CA5A: variants seen among roughly 807,000 people sequenced by gnomAD.
CA5A encodes carbonic anhydrase 5A, mitochondrial.
CA5A carries 28 observed loss-of-function variants against 37.1 expected under a neutral mutation model. That is an observed-to-expected ratio of 0.75 (90% CI 0.56 to 1.03). The LOEUF is 1.03. Ranked by LOEUF, CA5A falls within the 50% of genes least tolerant of loss-of-function variation. The probability of loss-of-function intolerance (pLI) is 0.00; values close to 1 mark genes in which losing one functional copy is unlikely to be tolerated. For missense variants in CA5A, 444 were observed against 399.9 expected (o/e 1.11, Z -0.94); for synonymous variants, 171 against 158.4 (o/e 1.08, Z -0.60).
intron 2 of CA5A, among the ~76,000 whole-genome samples, chr16:87,919,282 C>G (rs1463233000): frequency 6.6e-6 from 1 of 152,228 alleles, no homozygotes; most frequent in Non-Finnish European, 1.5e-5. Context: ...GCGCCCCATC[C>G]TTACTCTGGG....
rs764336385 is a variant in CA5A, at chr16:87,911,714, C to T, written c.341-6810G>A. On this transcript the variant is annotated intron_variant, in intron 2 of 6. Transcript: ENST00000649794. The surrounding 1 kb of genome is among the most constrained non-coding windows in gnomAD (Gnocchi z 4.6). ...CCGCGACGATGGAACCTAGACTGCT[C>T]CCTGGAAGTTAGCCTCTGAGACCAT... 6.6e-6 allele frequency among the ~76,000 whole-genome samples: 1 copy of T among 152,166 alleles called. No individual in the cohort carries two copies. Among genetic ancestry groups the T allele is most frequent in the Non-Finnish European group, 1.5e-5 (1 of 68,040 alleles).
At chr16:87,923,338 G>A (rs943912101) in intron 2 of CA5A, among the ~76,000 whole-genome samples, 38 of 152,254 alleles carry the variant, frequency 2.5e-4, no homozygotes, top group Non-Finnish European at 5.1e-4. Flanking sequence ...ACAGGTGTGC[G>A]CCACCAACCT....
At chr16:87,896,085 A>G (rs1424102345) in intron 5 of CA5A, among the ~76,000 whole-genome samples, 1 of 152,230 alleles carries the variant, frequency 6.6e-6, no homozygotes, top group East Asian at 1.9e-4. Context: ...CTGAGCAACT[A>G]CTTCAAATCT....
chr16:87,913,806 G>A (rs2056088012), intron 2 of CA5A, among the ~76,000 whole-genome samples: 1 of 152,200 alleles, frequency 6.6e-6, no homozygotes, highest in African/African-American at 2.4e-5. Context: ...CTGCACACCA[G>A]CCTTGCAGGC....
chr16:87,929,435 A>G (rs1031790772), intron 1 of CA5A, among the ~76,000 whole-genome samples: 2 of 144,950 alleles, frequency 1.4e-5, no homozygotes, highest in African/African-American at 5.2e-5. Flanking sequence ...CTAGATGACA[A>G]GAGCAAATTC....
intron 5 of CA5A, among the ~76,000 whole-genome samples, chr16:87,895,048 G>C (rs2055782477): frequency 6.6e-6 from 1 of 152,050 alleles, no homozygotes; most frequent in Non-Finnish European, 1.5e-5. Flanking sequence ...CCAGGAGTTT[G>C]AGACCAGCCT....
At chr16:87,920,592 G>C (rs900743344) in intron 2 of CA5A, among the ~76,000 whole-genome samples, 1 of 151,928 alleles carries the variant, frequency 6.6e-6, no homozygotes, top group South Asian at 2.1e-4. Context: ...TTACAGGCGT[G>C]AGCTACTGCG....
chr16:87,892,424 C>A (rs2055730963), intron 5 of CA5A, among the ~76,000 whole-genome samples: 1 of 150,304 alleles, frequency 6.7e-6, no homozygotes, highest in African/African-American at 2.4e-5. Context: ...GCAGGAGAAT[C>A]GCTTGAGCCC....
At chr16:87,890,414 A>G (rs188618334) in intron 6 of CA5A, among the ~76,000 whole-genome samples, 1 of 152,270 alleles carries the variant, frequency 6.6e-6, no homozygotes, top group African/African-American at 2.4e-5. Context: ...GGAGACTGAA[A>G]GACCCTCTAA....
At chr16:87,891,118 A>G (rs116706087) in intron 6 of CA5A, among the ~76,000 whole-genome samples, 3,220 of 150,722 alleles carry the variant, frequency 0.021, 107 homozygotes, top group African/African-American at 0.074. Context: ...TAAAAAGTGT[A>G]TACAAATATT....
chr16:87,923,840 C>T (rs2056263788), intron 2 of CA5A: 1 of 984,708 alleles, frequency 1.0e-6, no homozygotes, highest in African/African-American at 1.7e-5. Flanking sequence ...TCATCTGTAT[C>T]CATGACAACT....
At chr16:87,901,380 C>T (rs1010970855) in intron 5 of CA5A, among the ~76,000 whole-genome samples, 1 of 152,182 alleles carries the variant, frequency 6.6e-6, no homozygotes, top group African/African-American at 2.4e-5. Flanking sequence ...GAGGAGGAAA[C>T]AGGGTCCCAG....
At position 87,888,105 on chromosome 16, in the gene CA5A, G is replaced by T. The variant is rs975733768; in HGVS notation, c.*24C>A. ...GCTTCCTTCCTTCAAAGTCAGTTCT[G>T]CTATTCATGTGGACCTAATGTCTCT... is the stretch of plus-strand genomic sequence containing the variant. On this transcript the variant is annotated 3_prime_UTR_variant, in exon 7 of 7. Transcript: ENST00000649794. The T allele has an allele frequency of 6.4e-7, 1 of 1,568,436 alleles. No homozygotes were observed. The highest frequency in any genetic ancestry group is 1.2e-5 in the South Asian group (1 of 86,242).
chr16:87,935,324 G>C (rs2056456813), intron 1 of CA5A, among the ~76,000 whole-genome samples: 1 of 152,212 alleles, frequency 6.6e-6, no homozygotes, highest in South Asian at 2.1e-4. Flanking sequence ...AGCCAGGAGG[G>C]GCTGGCACGG....
At chr16:87,933,080 C>G (rs1368711230) in intron 1 of CA5A, among the ~76,000 whole-genome samples, 1 of 152,210 alleles carries the variant, frequency 6.6e-6, no homozygotes, top group Admixed American at 6.5e-5. Context: ...GGGAGCCCAG[C>G]CCAACCACGG....
In CA5A at chr16:87,915,908, C is replaced by G. The variant is rs539887983; in HGVS notation, c.340+10840G>C. Among the ~76,000 whole-genome samples the G allele has an allele frequency of 2.0e-5, 3 of 151,840 alleles. No homozygotes were observed. In the South Asian group the frequency reaches 6.2e-4, roughly 32 times the overall value. ...TTCATGCTGCTGATAAAGCCATACC[C>G]GAGACTGGGTAATTTACAAAGAAAA... is the stretch of plus-strand genomic sequence containing the variant. On this transcript the variant is annotated intron_variant, in intron 2 of 6. Transcript: ENST00000649794.
intron 6 of CA5A, among the ~76,000 whole-genome samples, chr16:87,888,966 C>G (rs770540626): frequency 2.7e-5 from 4 of 150,318 alleles, no homozygotes; most frequent in Non-Finnish European, 5.9e-5. Flanking sequence ...GTTGCCCAGA[C>G]TGGAGTGCAA....
At chr16:87,909,148 C>T (rs1397409548) in intron 2 of CA5A, among the ~76,000 whole-genome samples, 2 of 152,108 alleles carry the variant, frequency 1.3e-5, no homozygotes, top group East Asian at 1.9e-4. Flanking sequence ...GAATTCTTTA[C>T]TGCAGCAGCC....
At chr16:87,927,613 G>A (rs546033114) in intron 1 of CA5A, among the ~76,000 whole-genome samples, 102 of 152,318 alleles carry the variant, frequency 6.7e-4, no homozygotes, top group Non-Finnish European at 1.0e-3. Flanking sequence ...TGTAATCCCA[G>A]CATTTTCGGA....
Sources: allele counts gnomAD v4.1 joint callset (sites outside exome capture counted in the v4.1 genomes callset), GRCh38; gene constraint gnomAD v4.1.1; non-coding constraint Gnocchi (gnomAD v3.1); transcripts MANE v1.5; gene names NCBI Gene and HGNC (gene_info 2026-07-23, HGNC 2026-07-21).